The following CNKSR3 variants were observed in gnomAD, a reference collection of about 807,000 sequenced individuals.
CNKSR3 encodes the protein connector enhancer of kinase suppressor of ras 3.
Under a neutral mutation model 67.7 loss-of-function variants are expected in CNKSR3, and 36 were observed. The observed-to-expected ratio is 0.53, with a 90% CI of 0.41 to 0.70. The LOEUF is 0.70. Ranked by LOEUF, CNKSR3 falls within the 30% of genes least tolerant of loss-of-function variation. CNKSR3 has a pLI of 0.00. For synonymous variants in CNKSR3, 281 were observed against 271.4 expected (o/e 1.04, Z -0.35); for missense variants, 630 against 695.2 (o/e 0.91, Z 1.05).
chr6:154,490,967 C>A (rs1433670246), intron 1 of CNKSR3, among the ~76,000 whole-genome samples: 2 of 152,070 alleles, frequency 1.3e-5, no homozygotes, highest in African/African-American at 2.4e-5. Context: ...CCTGACTCAG[C>A]CTCCTGAGTA....
At chr6:154,461,338 AGTCCATTACTGAGTACTT>A (rs1164560858) in intron 1 of CNKSR3, among the ~76,000 whole-genome samples, 2 of 152,204 alleles carry the variant, frequency 1.3e-5, no homozygotes, top group Non-Finnish European at 2.9e-5. Context: ...TAATGTGCAG[AGTCCATTACTGAGTACTT>A]ACTATGTTTT....
At chr6:154,423,347 T>A (rs1785186493) in intron 7 of CNKSR3, among the ~76,000 whole-genome samples, 1 of 152,156 alleles carries the variant, frequency 6.6e-6, no homozygotes, top group African/African-American at 2.4e-5. Context: ...CACTGCAACC[T>A]CCACTTCCTG....
At chr6:154,490,558 C>A (rs916324629) in intron 1 of CNKSR3, among the ~76,000 whole-genome samples, 5 of 152,190 alleles carry the variant, frequency 3.3e-5, no homozygotes, top group African/African-American at 7.2e-5. Context: ...CAAATACACA[C>A]ACAGTTCCTC....
rs187966320 is a variant in CNKSR3, at chr6:154,503,978, G to A, written c.52+6085C>T. ...GCTTCTCTAATTGTGATGGGTGCAC[G>A]AATCGCCAGGGGATCTTATTAAAAT... On this transcript the variant is annotated intron_variant, in intron 1 of 12. Transcript: ENST00000607772. Among the ~76,000 whole-genome samples the A allele has an allele frequency of 5.3e-5, 8 of 152,188 alleles. No individual in the cohort carries two copies. The East Asian group carries it at 1.4e-3, about 26-fold the overall frequency.
chr6:154,441,487 T>G (rs1785586076), intron 3 of CNKSR3, 108 bp from the exon 4 acceptor site: 1 of 764,878 alleles, frequency 1.3e-6, no homozygotes, highest in South Asian at 1.6e-5. Flanking sequence ...AATTCCTTTT[T>G]GTTTTGTTTT....
intron 9 of CNKSR3, among the ~76,000 whole-genome samples, chr6:154,416,735 C>T (rs1264984484): frequency 2.0e-5 from 3 of 152,172 alleles, no homozygotes; most frequent in African/African-American, 7.2e-5. Flanking sequence ...ACCCCCAGGG[C>T]TGGGGACTAA....
chr6:154,451,048 G>A (rs1785814865), intron 1 of CNKSR3, among the ~76,000 whole-genome samples: 1 of 152,086 alleles, frequency 6.6e-6, no homozygotes, highest in Non-Finnish European at 1.5e-5. Context: ...TCTGTCCCTT[G>A]CAACTGAAAA....
intron 4 of CNKSR3, among the ~76,000 whole-genome samples, chr6:154,435,977 GCGT>G (rs1785463861): frequency 6.6e-6 from 1 of 152,110 alleles, no homozygotes. Flanking sequence ...GTGATGGCAC[GCGT>G]CAAGCGTGGA....
At chr6:154,487,058 C>T (rs937069371) in intron 1 of CNKSR3, among the ~76,000 whole-genome samples, 1 of 152,170 alleles carries the variant, frequency 6.6e-6, no homozygotes, top group Non-Finnish European at 1.5e-5. Context: ...ACTACAGGCA[C>T]GTGCCACCAC....
At chr6:154,499,755 C>A (rs575578859) in intron 1 of CNKSR3, among the ~76,000 whole-genome samples, 1 of 152,192 alleles carries the variant, frequency 6.6e-6, no homozygotes, top group Non-Finnish European at 1.5e-5. Flanking sequence ...TAGGCGTGAG[C>A]CACTATGCCC....
intron 4 of CNKSR3, among the ~76,000 whole-genome samples, chr6:154,436,076 G>C (rs1326477270): frequency 6.6e-6 from 1 of 152,276 alleles, no homozygotes; most frequent in Non-Finnish European, 1.5e-5. Flanking sequence ...CACCTGCTGA[G>C]AATTCGGTGT....
In CNKSR3 at chr6:154,401,021, A is replaced by G. The variant is rs1384327430; in HGVS notation, c.*5333T>C. 1.3e-5 allele frequency: 2 copies of G among 152,226 alleles called. No individual in the cohort carries two copies. Among genetic ancestry groups the G allele is most frequent in the African/African-American group, 4.8e-5 (2 of 41,470 alleles). 9.4% of individuals were successfully genotyped at this position (152,226 alleles called of 1,614,324 possible). A position where few individuals can be genotyped will look rare whatever the true frequency, so the allele number is the denominator to read the frequency against. On this transcript the variant is annotated 3_prime_UTR_variant, in exon 13 of 13. Coordinates refer to ENST00000607772, the MANE Select transcript of CNKSR3 (RefSeq NM_173515.4). ...AGGGACCCTAACTAGGGGTTAATAC[A>G]TCATGCAAAATTTTCCACGTATTGG...
intron 9 of CNKSR3, among the ~76,000 whole-genome samples, chr6:154,418,122 C>T (rs1441127783): frequency 2.0e-5 from 3 of 152,176 alleles, no homozygotes; most frequent in African/African-American, 7.2e-5. Context: ...ACACAGCTGC[C>T]CCTTCTCAGA....
Position 154,401,637 on chromosome 6 carries a change from CAGA to C in CNKSR3, c.*4714_*4716del, listed in dbSNP as rs1310371750. ...TTACTTTTAAGATGTCCATCTTCCA[CAGA>C]ATCTCCAAGGAAGTAGCTTGCAGTA... On this transcript the variant is annotated 3_prime_UTR_variant, in exon 13 of 13. Coordinates refer to ENST00000607772, the MANE Select transcript of CNKSR3 (RefSeq NM_173515.4). 1 of 152,248 alleles carries C rather than the reference CAGA, an allele frequency of 6.6e-6. No individual in the cohort carries two copies. Among genetic ancestry groups the C allele is most frequent in the Non-Finnish European group, 1.5e-5 (1 of 68,044 alleles). 9.4% of individuals were successfully genotyped at this position (152,248 alleles called of 1,614,324 possible). A position where few individuals can be genotyped will look rare whatever the true frequency, so the allele number is the denominator to read the frequency against.
chr6:154,435,575 T>C (rs1043467456), intron 4 of CNKSR3, among the ~76,000 whole-genome samples: 5 of 152,242 alleles, frequency 3.3e-5, no homozygotes, highest in African/African-American at 1.2e-4. Flanking sequence ...CCCGCCACTG[T>C]GAACGTGGTT....
chr6:154,422,580 T>G lies in CNKSR3; in HGVS notation c.871A>C (p.Lys291Gln). The part of the protein sequence containing the change: ...NPTGVVLLLK[K>Q]RPTGSFNFTP... ...AAGTTGAAAGACCCGGTGGGGCGCT[T>G]CTTAAGCAGTAACACAACTCCGGTG... The change falls in exon 9 of 13, where the codon AAG becomes CAG. Residue 291 changes from lysine (K) to glutamine (Q), a missense_variant. Physicochemically the swap from Lys to Gln is moderately conservative, Grantham distance 53. This residue lies in a region of CNKSR3 where 133 missense variants were observed against 190.6 expected (regional missense o/e 0.70). Coordinates refer to ENST00000607772, the MANE Select transcript of CNKSR3 (RefSeq NM_173515.4). 1 of 1,614,034 alleles carries G rather than the reference T, an allele frequency of 6.2e-7. No homozygotes were observed.
At chr6:154,437,867 C>T (rs1432776144) in intron 4 of CNKSR3, among the ~76,000 whole-genome samples, 1 of 152,166 alleles carries the variant, frequency 6.6e-6, no homozygotes, top group Admixed American at 6.5e-5. Context: ...CAAAAAAATA[C>T]CAGAGAATAA....
Position 154,481,114 on chromosome 6 carries a change from T to C in CNKSR3, c.52+28949A>G, listed in dbSNP as rs181593462. ...ATATTTATTTATTTTGCTTATGTAT[T>C]TGCTTATTTATTTGTGCTTGTTTGA... is the stretch of plus-strand genomic sequence containing the variant. On this transcript the variant is annotated intron_variant, in intron 1 of 12. Transcript: ENST00000607772. 1.1e-3 allele frequency among the ~76,000 whole-genome samples: 165 copies of C among 152,258 alleles called. 1 individual carries two copies. The highest frequency in any genetic ancestry group is 3.8e-3 in the African/African-American group (160 of 41,564).
intron 1 of CNKSR3, among the ~76,000 whole-genome samples, chr6:154,466,331 T>C (rs1017966343): frequency 2.0e-5 from 3 of 152,140 alleles, no homozygotes; most frequent in African/African-American, 7.2e-5. Flanking sequence ...AAGGGCCAGT[T>C]CCCTTGGCTC....
Sources: gnomAD v4.1 joint callset for allele counts (sites outside exome capture counted in the v4.1 genomes callset) on GRCh38, gnomAD v4.1.1 for gene constraint, gnomAD v4.1.1 regional missense constraint, MANE v1.5 for transcripts, NCBI Gene and HGNC (gene_info 2026-07-23, HGNC 2026-07-21) for gene names.